Variants in PEBP4 observed in about 807,000 individuals in gnomAD.
PEBP4 encodes the protein phosphatidylethanolamine binding protein 4.
PEBP4 carries 22 observed loss-of-function variants against 23.9 expected under a neutral mutation model. That is an observed-to-expected ratio of 0.92 (90% CI 0.66 to 1.31). PEBP4 has a LOEUF of 1.31. PEBP4 is among the 40% of genes most tolerant of loss of function. PEBP4 has a pLI of 0.00. For missense variants in PEBP4, 324 were observed against 281.7 expected (o/e 1.15, Z -1.07); for synonymous variants, 112 against 99.3 (o/e 1.13, Z -0.76).
At chr8:22,939,757 A>G (rs1419534885) in intron 1 of PEBP4, among the ~76,000 whole-genome samples, 1 of 151,984 alleles carries the variant, frequency 6.6e-6, no homozygotes, top group Non-Finnish European at 1.5e-5. Flanking sequence ...AGTGTCTGTG[A>G]GATAAACCCA....
intron 4 of PEBP4, among the ~76,000 whole-genome samples, chr8:22,746,521 TG>T (rs914738645): frequency 2.6e-5 from 4 of 152,036 alleles, no homozygotes. Flanking sequence ...TTCCCTTCAC[TG>T]CCTTCCCCTT....
intron 4 of PEBP4, among the ~76,000 whole-genome samples, chr8:22,746,224 G>A (rs1278635827): frequency 6.6e-6 from 1 of 152,168 alleles, no homozygotes; most frequent in African/African-American, 2.4e-5. Flanking sequence ...GTGGAACAGA[G>A]CAAGGAATGT....
intron 4 of PEBP4, among the ~76,000 whole-genome samples, chr8:22,773,645 T>C (rs1416487505): frequency 6.6e-6 from 1 of 152,064 alleles, no homozygotes; most frequent in Non-Finnish European, 1.5e-5. Context: ...GAGAGGGTGC[T>C]CAGGAGGGAG....
At chr8:22,894,426 TA>T (rs1345842110) in intron 3 of PEBP4, among the ~76,000 whole-genome samples, 1 of 150,962 alleles carries the variant, frequency 6.6e-6, no homozygotes, top group African/African-American at 2.4e-5. Context: ...AAAAAATAAA[TA>T]AAAAAAATTC....
intron 3 of PEBP4, among the ~76,000 whole-genome samples, chr8:22,852,068 C>T (rs927346469): frequency 3.3e-5 from 5 of 152,108 alleles, no homozygotes; most frequent in Non-Finnish European, 5.9e-5. Flanking sequence ...AGGGCACCAT[C>T]CCTCTGGGGG....
At chr8:22,784,998 G>A (rs1806000270) in intron 4 of PEBP4, among the ~76,000 whole-genome samples, 1 of 152,188 alleles carries the variant, frequency 6.6e-6, no homozygotes, top group South Asian at 2.1e-4. Context: ...CGGGCCACGT[G>A]TGCACGGTTT....
At chr8:22,715,894 C>T (rs142777141) in intron 6 of PEBP4, among the ~76,000 whole-genome samples, 9 of 152,260 alleles carry the variant, frequency 5.9e-5, no homozygotes, top group South Asian at 2.1e-4. Context: ...TAGGAGGCTG[C>T]GGCTTCTGTG....
intron 3 of PEBP4, among the ~76,000 whole-genome samples, chr8:22,833,023 T>A (rs950679439): frequency 6.6e-6 from 1 of 152,194 alleles, no homozygotes; most frequent in Non-Finnish European, 1.5e-5. Flanking sequence ...TAAACCTGTC[T>A]ACCCTGCTTA....
chr8:22,775,729 C>T lies in PEBP4; in HGVS notation c.357+41908G>A, dbSNP rs1322568207. Among the ~76,000 whole-genome samples the T allele has an allele frequency of 4.6e-5, 7 of 152,146 alleles. No homozygotes were observed. The highest frequency in any genetic ancestry group is 8.8e-5 in the Non-Finnish European group (6 of 68,010). On this transcript the variant is annotated intron_variant, in intron 4 of 6. Transcript: ENST00000256404. The surrounding 1 kb of genome is among the most constrained non-coding windows in gnomAD (Gnocchi z 4.8). ...CAGGCACACGGGGCTTCCCTCAGCC[C>T]TCCTGTGCACTCACAGGAGGCTCGA...
intron 4 of PEBP4, among the ~76,000 whole-genome samples, chr8:22,789,628 C>A (rs1172944575): frequency 6.6e-6 from 1 of 152,204 alleles, no homozygotes; most frequent in East Asian, 1.9e-4. Context: ...AGCTCTGGGG[C>A]AACGTCTGCA....
At chr8:22,924,979 A>G in intron 2 of PEBP4, 1 of 985,378 alleles carries the variant, frequency 1.0e-6, no homozygotes, top group Non-Finnish European at 1.2e-6. Flanking sequence ...TGGTAGACCA[A>G]ATGCCCACAA....
intron 3 of PEBP4, among the ~76,000 whole-genome samples, chr8:22,828,565 A>T (rs1368966500): frequency 6.6e-6 from 1 of 151,882 alleles, no homozygotes; most frequent in African/African-American, 2.4e-5. Context: ...CTCTTGTGGT[A>T]TGTGTTCTCT....
intron 4 of PEBP4, among the ~76,000 whole-genome samples, chr8:22,795,165 T>TATATATATATATA (rs1563218572): frequency 6.0e-5 from 1 of 16,736 alleles, no homozygotes; most frequent in Non-Finnish European, 1.0e-4. Context: ...ATATATATAT[T>TATATATATATATA]TTTTTTTTTT....
chr8:22,927,765 C>T (rs770071784), intron 1 of PEBP4, 45 bp from the exon 2 acceptor site: 3 of 1,608,114 alleles, frequency 1.9e-6, no homozygotes, highest in Non-Finnish European at 2.5e-6. Flanking sequence ...CCTGCAGGGG[C>T]CTTCCTGCCC....
chr8:22,827,701 G>A (rs1477269415), intron 3 of PEBP4, among the ~76,000 whole-genome samples: 2 of 152,244 alleles, frequency 1.3e-5, no homozygotes, highest in South Asian at 2.1e-4. Context: ...AACATTTGCT[G>A]TAAGTCTCTG....
intron 3 of PEBP4, among the ~76,000 whole-genome samples, chr8:22,830,861 A>G (rs2128764045): frequency 6.6e-6 from 1 of 152,224 alleles, no homozygotes; most frequent in Admixed American, 6.5e-5. Flanking sequence ...TCTCTTTGAA[A>G]CCCTAAGCAA....
In PEBP4 at chr8:22,865,517, G is replaced by A. The variant is rs1337496667; in HGVS notation, c.259-47782C>T. ...CCGCGCAGCGAGAAGGAGCCTCGGG[G>A]AAGAGCTAAAAAAGGCAAGGCGCTG... On this transcript the variant is annotated intron_variant, in intron 3 of 6. Transcript: ENST00000256404. The surrounding 1 kb of genome is among the most constrained non-coding windows in gnomAD (Gnocchi z 6.9). Among the ~76,000 whole-genome samples, 1 of 152,008 alleles carries A rather than the reference G, an allele frequency of 6.6e-6. No homozygotes were observed. Among genetic ancestry groups the A allele is most frequent in the Non-Finnish European group, 1.5e-5 (1 of 67,940 alleles).
At chr8:22,714,620 C>T (rs1220614709) in intron 6 of PEBP4, among the ~76,000 whole-genome samples, 1 of 151,948 alleles carries the variant, frequency 6.6e-6, no homozygotes, top group Non-Finnish European at 1.5e-5. Context: ...CGGAGCAGAG[C>T]TAGGCAGTGG....
chr8:22,923,153 G>C (rs1230061898), intron 2 of PEBP4, among the ~76,000 whole-genome samples: 1 of 152,226 alleles, frequency 6.6e-6, no homozygotes, highest in Non-Finnish European at 1.5e-5. Flanking sequence ...CAGAGAACTA[G>C]TACTGTGGGC....
Sources: allele counts gnomAD v4.1 joint callset (sites outside exome capture counted in the v4.1 genomes callset), GRCh38; gene constraint gnomAD v4.1.1; non-coding constraint Gnocchi (gnomAD v3.1); transcripts MANE v1.5; gene names NCBI Gene and HGNC (gene_info 2026-07-23, HGNC 2026-07-21).